The following WHAMM variants were observed in gnomAD, a reference collection of about 807,000 sequenced individuals.
WHAMM encodes the protein WASP homolog-associated protein with actin, membranes and microtubules.
A neutral mutation model predicts 76.5 loss-of-function variants in WHAMM; 67 were observed. That is an observed-to-expected ratio of 0.88 (90% CI 0.72 to 1.07). WHAMM has a LOEUF of 1.07. Among genes scored for constraint, WHAMM ranks in the 50% least tolerant of loss-of-function variants. The probability of loss-of-function intolerance (pLI) is 0.00; values close to 1 mark genes in which losing one functional copy is unlikely to be tolerated. For missense variants in WHAMM, 1,021 were observed against 1,051.1 expected (o/e 0.97, Z 0.40); for synonymous variants, 419 against 422.1 (o/e 0.99, Z 0.09).
At position 82,835,788 on chromosome 15, in the gene WHAMM, G is replaced by A. The variant is rs771336569; in HGVS notation, c.*2252G>A. On this transcript the variant is annotated 3_prime_UTR_variant, in exon 10 of 10. Coordinates refer to ENST00000286760, the MANE Select transcript of WHAMM (RefSeq NM_001080435.3). ...CTGGGCATCAGGTCCAGATCCCAGA[G>A]ACAGGTCCAGTGGCTGTGGCCCAGG... is the stretch of plus-strand genomic sequence containing the variant. 6.6e-6 allele frequency: 1 copy of A among 152,274 alleles called. No homozygotes were observed. Among genetic ancestry groups the A allele is most frequent in the Non-Finnish European group, 1.5e-5 (1 of 68,078 alleles). The allele number at this position is 152,274 out of a possible 1,614,324, so 9.4% of individuals were successfully genotyped here.
At chr15:82,824,386 G>A (rs2050894801) in intron 6 of WHAMM, among the ~76,000 whole-genome samples, 1 of 151,886 alleles carries the variant, frequency 6.6e-6, no homozygotes, top group Admixed American at 6.6e-5. Context: ...GGAGTGCAGT[G>A]GCACGATCTC....
In WHAMM at chr15:82,830,893, C is replaced by T; in HGVS notation, c.1936C>T (p.Pro646Ser). 1 of 1,582,704 alleles carries T rather than the reference C, an allele frequency of 6.3e-7. No homozygotes were observed. Among genetic ancestry groups the T allele is most frequent in the South Asian group, 1.1e-5 (1 of 87,774 alleles). The change falls in exon 9 of 10, where the codon CCA becomes TCA. Residue 646 changes from proline to serine, a missense_variant. Physicochemically the swap from Pro to Ser is moderately conservative, Grantham distance 74. Transcript: ENST00000286760. ...ACTGCCACCACCTCCTCCTCCTCCA[C>T]CACCACCACCGCCGCCACCGCCGCC... ...LSLPPPPPPP[P>S]PPPPPPPPPP...
In WHAMM at chr15:82,830,718, C is replaced by T; in HGVS notation, c.1761C>T (p.His587=). Reference sequence around the variant, plus strand: ...CTTCCCACGCGGTGTCAGTAATTCACCCGTCCTCTAGGAAAACTAGAGGTG... The same window carrying T: ...CTTCCCACGCGGTGTCAGTAATTCATCCGTCCTCTAGGAAAACTAGAGGTG... ...LPASHAVSVI[H]PSSRKTRGVP... is the part of the protein sequence containing the mutation. Residue 587 remains histidine (H), a synonymous_variant, in exon 9 of 10, where the codon CAC becomes CAT. Coordinates refer to ENST00000286760, the MANE Select transcript of WHAMM (RefSeq NM_001080435.3). 6.2e-7 allele frequency: 1 copy of T among 1,613,998 alleles called. No individual in the cohort carries two copies. Among genetic ancestry groups the T allele is most frequent in the Non-Finnish European group, 8.5e-7 (1 of 1,179,894 alleles).
intron 3 of WHAMM, among the ~76,000 whole-genome samples, chr15:82,817,113 G>C (rs2151560810): frequency 6.6e-6 from 1 of 152,352 alleles, no homozygotes; most frequent in South Asian, 2.1e-4. Flanking sequence ...AATTGGGCTT[G>C]ATCAGGGTGG....
rs1282540574 is a variant in WHAMM, at chr15:82,835,941, T to C, written c.*2405T>C. ...TTATGCATATTTTGCAGTTTGGCAT[T>C]GTTTGTAATTACGTATTTATAATTT... On this transcript the variant is annotated 3_prime_UTR_variant, in exon 10 of 10. Coordinates refer to ENST00000286760, the MANE Select transcript of WHAMM (RefSeq NM_001080435.3). 6.6e-6 allele frequency: 1 copy of C among 152,256 alleles called. No homozygotes were observed. Among genetic ancestry groups the C allele is most frequent in the Non-Finnish European group, 1.5e-5 (1 of 68,046 alleles). 9.4% of individuals were successfully genotyped at this position (152,256 alleles called of 1,614,324 possible). A position where few individuals can be genotyped will look rare whatever the true frequency, so the allele number is the denominator to read the frequency against.
Position 82,835,497 on chromosome 15 carries a change from C to T in WHAMM, c.*1961C>T, listed in dbSNP as rs2151579209. The T allele has an allele frequency of 6.6e-6, 1 of 152,540 alleles. No homozygotes were observed. Among genetic ancestry groups the T allele is most frequent in the East Asian group, 1.9e-4 (1 of 5,202 alleles). 9.4% of individuals were successfully genotyped at this position (152,540 alleles called of 1,614,324 possible). On this transcript the variant is annotated 3_prime_UTR_variant, in exon 10 of 10. Coordinates refer to ENST00000286760, the MANE Select transcript of WHAMM (RefSeq NM_001080435.3). ...TGGCACAGCTGGGAGGGGCGTGAGT[C>T]CCTTTCAGCAGCTGCAGCCTGGGTC...
intron 1 of WHAMM, among the ~76,000 whole-genome samples, chr15:82,812,696 AG>A (rs1327981550): frequency 2.0e-5 from 3 of 151,956 alleles, no homozygotes; most frequent in Admixed American, 2.0e-4. Flanking sequence ...ATATTATAAA[AG>A]TGTCTTTTTT....
rs532430971 is a variant in WHAMM, at chr15:82,821,108, C to G, written c.1270+1620C>G. On this transcript the variant is annotated intron_variant, in intron 5 of 9. Coordinates refer to ENST00000286760, the MANE Select transcript of WHAMM (RefSeq NM_001080435.3). ...CATTTGTACTTATTTTATGAAATGC[C>G]TATTCATAGTCTTTGTCCATTTTTC... 2.0e-5 allele frequency among the ~76,000 whole-genome samples: 3 copies of G among 152,140 alleles called. No homozygotes were observed. In the East Asian group the frequency reaches 5.8e-4, roughly 29 times the overall value.
At position 82,826,469 on chromosome 15, in the gene WHAMM, C is replaced by T; in HGVS notation, c.1518C>T (p.Tyr506=). 1 of 1,613,940 alleles carries T rather than the reference C, an allele frequency of 6.2e-7. No individual in the cohort carries two copies. Among genetic ancestry groups the T allele is most frequent in the Non-Finnish European group, 8.5e-7 (1 of 1,179,842 alleles). ...RLQQAEESIR[Y]SRQHHSIQMK... is the part of the protein sequence containing the mutation. The stretch of plus-strand genomic sequence containing the variant: ...AACAGGCTGAAGAAAGCATAAGATA[C>T]TCTCGTCAGCATCACAGTATTCAGA... The change falls in exon 7 of 10, where the codon TAC becomes TAT. Residue 506 remains tyrosine, a synonymous_variant. Transcript: ENST00000286760.
At position 82,823,157 on chromosome 15, in the gene WHAMM, T is replaced by G. The variant is rs548968156; in HGVS notation, c.1328T>G (p.Val443Gly). 12 of 1,546,920 alleles carry G rather than the reference T, an allele frequency of 7.8e-6. No individual in the cohort carries two copies. The South Asian group carries it at 1.0e-4, about 13-fold the overall frequency. Residue 443 changes from valine to glycine, a missense_variant, in exon 6 of 10, where the codon GTC becomes GGC. Val to Gly is a moderately radical substitution (Grantham distance 109). Coordinates refer to ENST00000286760, the MANE Select transcript of WHAMM (RefSeq NM_001080435.3). ...DPCENPEELK[V>G]IDCVVGLQDD... Reference sequence around the variant, plus strand: ...TGTGAAAATCCAGAGGAACTTAAAGTCATTGACTGTGTGGTGGGGCTGCAG... The same window carrying G: ...TGTGAAAATCCAGAGGAACTTAAAGGCATTGACTGTGTGGTGGGGCTGCAG...
chr15:82,814,739 A>G (rs60414706), intron 2 of WHAMM, among the ~76,000 whole-genome samples: 21,325 of 145,790 alleles, frequency 0.15, 1,763 homozygotes, highest in South Asian at 0.34. Context: ...GACATGGGCC[A>G]CCACACCCAG....
In WHAMM at chr15:82,830,754, G is replaced by A. The variant is rs762912777; in HGVS notation, c.1797G>A (p.Ser599=). The change falls in exon 9 of 10, where the codon TCG becomes TCA. Residue 599 remains serine (S), a synonymous_variant. Transcript: ENST00000286760. ...GGAAAACTAGAGGTGTTCCCCTATC[G>A]GAAGCTGGTAATGTGAAAAGCCCCA... The part of the protein sequence containing the change: ...SSRKTRGVPL[S]EAGNVKSPKC... 2.5e-5 allele frequency: 40 copies of A among 1,613,788 alleles called. No individual in the cohort carries two copies. The African/African-American group carries it at 3.6e-4, about 15-fold the overall frequency.
intron 7 of WHAMM, 57 bp from the exon 8 acceptor site, chr15:82,826,694 C>A: frequency 6.5e-7 from 1 of 1,530,584 alleles, no homozygotes; most frequent in Non-Finnish European, 8.8e-7. Context: ...TTATTGTATG[C>A]CAAGACATTT....
Position 82,833,155 on chromosome 15 carries a change from A to C in WHAMM, c.2123-74A>C, listed in dbSNP as rs990467870. ...GGTGTTAACTGATAGGAGATTTCAC[A>C]ATTTCATAGCAGTAATGTCCTGGGA... On this transcript the variant is annotated intron_variant, in intron 9 of 9. Transcript: ENST00000286760. 4.1e-6 allele frequency: 6 copies of C among 1,469,594 alleles called. No homozygotes were observed. The African/African-American group carries it at 8.4e-5, about 21-fold the overall frequency. The allele number at this position is 1,469,594 out of a possible 1,614,324, so 91.0% of individuals were successfully genotyped here. A position where few individuals can be genotyped will look rare whatever the true frequency, so the allele number is the denominator to read the frequency against.
chr15:82,822,268 A>G lies in WHAMM; in HGVS notation c.1271-832A>G, dbSNP rs548321642. Among the ~76,000 whole-genome samples, 5 of 152,320 alleles carry G rather than the reference A, an allele frequency of 3.3e-5. No individual in the cohort carries two copies. The East Asian group carries it at 9.6e-4, about 29-fold the overall frequency. ...GGAGGGCAATTTGTCAATGGGTATC[A>G]AGATCCTTAAATATTTATCTGCTAA... On this transcript the variant is annotated intron_variant, in intron 5 of 9. Transcript: ENST00000286760.
chr15:82,826,294 A>G, intron 6 of WHAMM, 116 bp from the exon 7 acceptor site: 2 of 1,055,356 alleles, frequency 1.9e-6, no homozygotes, highest in South Asian at 2.7e-5. Context: ...CTCCAGAACT[A>G]ATATTAATGA....
chr15:82,830,874 A>G lies in WHAMM; in HGVS notation c.1917A>G (p.Pro639=), dbSNP rs1280761124. ...AATCCAGTGAGGAATTGTCACTGCCACCACCTCCTCCTCCTCCACCACCAC... is the reference window on the plus strand; with the variant it reads ...AATCCAGTGAGGAATTGTCACTGCCGCCACCTCCTCCTCCTCCACCACCAC... ...HSKSSEELSL[P]PPPPPPPPPP... The change falls in exon 9 of 10, where the codon CCA becomes CCG. Residue 639 remains proline, a synonymous_variant. Coordinates refer to ENST00000286760, the MANE Select transcript of WHAMM (RefSeq NM_001080435.3). The G allele has an allele frequency of 1.3e-6, 2 of 1,580,936 alleles. No individual in the cohort carries two copies. The highest frequency in any genetic ancestry group is 2.3e-5 in the South Asian group (2 of 87,462).
In WHAMM at chr15:82,819,496, TTAAGTA is replaced by T. The variant is rs1596281312; in HGVS notation, c.1270+11_1270+16del. 5 of 1,191,222 alleles carry T rather than the reference TTAAGTA, an allele frequency of 4.2e-6. No individual in the cohort carries two copies. The highest frequency in any genetic ancestry group is 5.6e-6 in the Non-Finnish European group (5 of 887,190). 73.8% of individuals were successfully genotyped at this position (1,191,222 alleles called of 1,614,324 possible). On this transcript the variant is annotated intron_variant, in intron 5 of 9. Coordinates refer to ENST00000286760, the MANE Select transcript of WHAMM (RefSeq NM_001080435.3). Reference sequence around the variant, plus strand: ...TTAAAAGACTTATAAAAGGTAAAATTTAAGTATATAGATTGCAATGTTTAAATTATA... The same window carrying T: ...TTAAAAGACTTATAAAAGGTAAAATTTATAGATTGCAATGTTTAAATTATA...
chr15:82,820,708 G>A (rs1483823869), intron 5 of WHAMM, among the ~76,000 whole-genome samples: 5 of 151,804 alleles, frequency 3.3e-5, no homozygotes, highest in African/African-American at 9.7e-5. Context: ...CAGCTTGGCC[G>A]ACATGTTGAA....
Sources: allele counts gnomAD v4.1 joint callset (sites outside exome capture counted in the v4.1 genomes callset), GRCh38; gene constraint gnomAD v4.1.1; transcripts MANE v1.5; gene names NCBI Gene and HGNC (gene_info 2026-07-23, HGNC 2026-07-21).